The following PTPRR variants were observed in gnomAD, a reference collection of about 807,000 sequenced individuals.
PTPRR encodes the protein receptor-type tyrosine-protein phosphatase R.
Under a neutral mutation model 77.2 loss-of-function variants are expected in PTPRR, and 38 were observed. The observed-to-expected ratio is 0.49, with a 90% confidence interval of 0.38 to 0.65. The LOEUF is 0.65. Among genes scored for constraint, PTPRR ranks in the 30% least tolerant of loss-of-function variants. The pLI is 0.00. For missense variants in PTPRR, 744 were observed against 799.2 expected (o/e 0.93, Z 0.83); for synonymous variants, 299 against 283.1 (o/e 1.06, Z -0.57).
At chr12:70,786,490 T>C (rs1010536628) in intron 2 of PTPRR, among the ~76,000 whole-genome samples, 2 of 152,166 alleles carry the variant, frequency 1.3e-5, no homozygotes, top group Non-Finnish European at 2.9e-5. Context: ...AATAAGGAGA[T>C]GGGTACCTTT....
intron 5 of PTPRR, among the ~76,000 whole-genome samples, chr12:70,753,387 A>G (rs764078097): frequency 6.6e-6 from 1 of 152,212 alleles, no homozygotes; most frequent in Non-Finnish European, 1.5e-5. Context: ...GTACAAAATT[A>G]AAAAGAACAT....
At chr12:70,912,929 C>T (rs1276001103) in intron 1 of PTPRR, among the ~76,000 whole-genome samples, 2 of 151,960 alleles carry the variant, frequency 1.3e-5, no homozygotes, top group Non-Finnish European at 2.9e-5. Flanking sequence ...TTTGTAAATG[C>T]CTTGAAGATG....
intron 6 of PTPRR, among the ~76,000 whole-genome samples, chr12:70,726,649 T>C (rs182529472): frequency 6.6e-4 from 100 of 151,662 alleles, no homozygotes; most frequent in Admixed American, 1.6e-3. Flanking sequence ...GGCGTGATCA[T>C]AGCTCACTGC....
At chr12:70,789,054 TGTTTCAACA>T (rs1891379560) in intron 2 of PTPRR, 1 of 473,772 alleles carries the variant, frequency 2.1e-6, no homozygotes, top group East Asian at 3.5e-5. Context: ...AGGTGCTTGC[TGTTTCAACA>T]GTTTACTAGA....
chr12:70,654,955 T>G (rs1456626963), intron 13 of PTPRR, among the ~76,000 whole-genome samples: 2 of 152,188 alleles, frequency 1.3e-5, no homozygotes, highest in African/African-American at 2.4e-5. Flanking sequence ...AACAAAACTC[T>G]TGTTCCACTG....
At chr12:70,767,101 A>G (rs1202040301) in intron 2 of PTPRR, among the ~76,000 whole-genome samples, 1 of 152,214 alleles carries the variant, frequency 6.6e-6, no homozygotes, top group Non-Finnish European at 1.5e-5. Flanking sequence ...AAGAAACTAC[A>G]TCAACTAATG....
intron 12 of PTPRR, 83 bp from the exon 13 acceptor site, chr12:70,656,900 T>A: frequency 1.1e-6 from 1 of 936,362 alleles, no homozygotes; most frequent in South Asian, 1.4e-5. Flanking sequence ...TACTTTTAAA[T>A]CTGAAACCAC....
chr12:70,796,949 C>T (rs1891525732), intron 2 of PTPRR, among the ~76,000 whole-genome samples: 1 of 152,066 alleles, frequency 6.6e-6, no homozygotes, highest in Non-Finnish European at 1.5e-5. Flanking sequence ...ACCTAGGAGG[C>T]AGAGGTTGCT....
At chr12:70,741,884 G>A (rs1396596537) in intron 6 of PTPRR, among the ~76,000 whole-genome samples, 1 of 152,176 alleles carries the variant, frequency 6.6e-6, no homozygotes, top group Non-Finnish European at 1.5e-5. Context: ...AAGTGTTTCT[G>A]GGGGATCATG....
At chr12:70,857,182 C>T (rs1352377414) in intron 2 of PTPRR, among the ~76,000 whole-genome samples, 1 of 152,002 alleles carries the variant, frequency 6.6e-6, no homozygotes, top group Non-Finnish European at 1.5e-5. Flanking sequence ...AGAGAGAATA[C>T]ATACAGTCAA....
chr12:70,905,874 T>C (rs1024556729), intron 1 of PTPRR, among the ~76,000 whole-genome samples: 17 of 152,018 alleles, frequency 1.1e-4, no homozygotes, highest in Non-Finnish European at 7.4e-5. Context: ...GTAATCATTT[T>C]TTGAAAAGAC....
At chr12:70,662,640 A>G (rs1420297741) in intron 10 of PTPRR, 35 bp from the exon 11 acceptor site, 1 of 1,293,194 alleles carries the variant, frequency 7.7e-7, no homozygotes, top group Admixed American at 1.9e-5. Flanking sequence ...GCAAATATTA[A>G]TGGCTTTTAT....
intron 13 of PTPRR, chr12:70,639,482 G>A: frequency 1.5e-6 from 2 of 1,354,858 alleles, no homozygotes; most frequent in Non-Finnish European, 1.9e-6. Context: ...GCTTAACACA[G>A]TTCCCAGCAC....
At chr12:70,760,070 G>T (rs1890658263) in intron 4 of PTPRR, among the ~76,000 whole-genome samples, 2 of 152,162 alleles carry the variant, frequency 1.3e-5, no homozygotes, top group African/African-American at 4.8e-5. Flanking sequence ...TGACAGTGAT[G>T]GTTCAATGAT....
chr12:70,890,760 A>G (rs1177624470), intron 2 of PTPRR, among the ~76,000 whole-genome samples: 1 of 152,148 alleles, frequency 6.6e-6, no homozygotes, highest in Non-Finnish European at 1.5e-5. Context: ...ATACTCATGT[A>G]CATATGATAA....
At position 70,892,932 on chromosome 12, in the gene PTPRR, T is replaced by C; in HGVS notation, c.104A>G (p.Lys35Arg). 6 of 1,613,326 alleles carry C rather than the reference T, an allele frequency of 3.7e-6. No homozygotes were observed. Among genetic ancestry groups the C allele is most frequent in the Non-Finnish European group, 5.1e-6 (6 of 1,179,522 alleles). ...AATGAATACCGGCTTCCCACTCTTC[T>C]TCTGATTAATTGCCAAAAAATGATC... ...NNDHFLAINQ[K>R]KSGKPVFIYK... The change falls in exon 2 of 14, where the codon AAG (lysine) becomes AGG (arginine). Residue 35 changes from lysine to arginine, a missense_variant. Lys to Arg is a conservative substitution (Grantham distance 26). This residue lies in a region of PTPRR where 570 missense variants were observed against 573.2 expected (regional missense o/e 0.99). Transcript: ENST00000283228.
chr12:70,755,738 C>T (rs1214530420), intron 4 of PTPRR, among the ~76,000 whole-genome samples: 8 of 140,896 alleles, frequency 5.7e-5, no homozygotes, highest in Non-Finnish European at 9.2e-5. Context: ...AATGATAAAT[C>T]GATGGAGAAT....
At chr12:70,876,015 C>A (rs1213545085) in intron 2 of PTPRR, among the ~76,000 whole-genome samples, 1 of 152,150 alleles carries the variant, frequency 6.6e-6, no homozygotes, top group African/African-American at 2.4e-5. Flanking sequence ...CAATGAACTA[C>A]TCCTGGTAAG....
At chr12:70,752,830 T>C (rs1890445836) in intron 5 of PTPRR, among the ~76,000 whole-genome samples, 1 of 152,156 alleles carries the variant, frequency 6.6e-6, no homozygotes, top group Non-Finnish European at 1.5e-5. Context: ...ATCACGTATA[T>C]TAAAATGCAA....
Sources: allele counts gnomAD v4.1 joint callset (sites outside exome capture counted in the v4.1 genomes callset), GRCh38; gene constraint gnomAD v4.1.1; regional missense constraint gnomAD v4.1.1; transcripts MANE v1.5; gene names NCBI Gene and HGNC (gene_info 2026-07-23, HGNC 2026-07-21).